The following CALD1 variants were observed in gnomAD, a reference collection of about 807,000 sequenced individuals.
CALD1 encodes the protein caldesmon 1, also known as caldesmon.
A neutral mutation model predicts 99.9 loss-of-function variants in CALD1; 33 were observed. That is an observed-to-expected ratio of 0.33 (90% confidence interval 0.25 to 0.44). The LOEUF (loss-of-function observed/expected upper bound fraction) is 0.44. CALD1 is among the 20% of genes least tolerant of loss of function. CALD1 has a pLI of 1.00. For synonymous variants in CALD1, 310 were observed against 325.0 expected (o/e 0.95, Z 0.50); for missense variants, 861 against 962.1 (o/e 0.89, Z 1.39).
At chr7:134,754,421 C>T (rs1796710684) in intron 1 of CALD1, among the ~76,000 whole-genome samples, 1 of 152,192 alleles carries the variant, frequency 6.6e-6, no homozygotes, top group Non-Finnish European at 1.5e-5. Flanking sequence ...GGTACAAGCA[C>T]AGAAGTGTGA....
chr7:134,863,722 C>A (rs774003127), intron 2 of CALD1, among the ~76,000 whole-genome samples: 12 of 152,120 alleles, frequency 7.9e-5, no homozygotes, highest in African/African-American at 1.4e-4. Flanking sequence ...TAATACATTT[C>A]TTGGTTGAAA....
chr7:134,955,387 AAAAAAG>A (rs1563130558), intron 9 of CALD1, among the ~76,000 whole-genome samples: 1 of 152,240 alleles, frequency 6.6e-6, no homozygotes, highest in African/African-American at 2.4e-5. Context: ...ACTCTGTCTC[AAAAAAG>A]AAAAAGAAAA....
chr7:134,864,500 G>GGT (rs1800714959), intron 2 of CALD1, among the ~76,000 whole-genome samples: 1 of 151,524 alleles, frequency 6.6e-6, no homozygotes, highest in African/African-American at 2.4e-5. Flanking sequence ...ACGAGTTCAA[G>GGT]TGATTCTCCT....
At chr7:134,731,531 G>A in the CALD1 span, among the ~76,000 whole-genome samples, 1 of 152,036 alleles carries the variant, frequency 6.6e-6, no homozygotes, top group South Asian at 2.1e-4. Flanking sequence ...TTGCTTAATT[G>A]CTTTACATGA....
At position 134,933,138 on chromosome 7, in the gene CALD1, A is replaced by G. The variant is rs758034980; in HGVS notation, c.369A>G (p.Pro123=). 1.2e-6 allele frequency: 2 copies of G among 1,613,672 alleles called. No homozygotes were observed. Among genetic ancestry groups the G allele is most frequent in the Non-Finnish European group, 1.7e-6 (2 of 1,179,972 alleles). The change falls in exon 5 of 15, where the codon CCA becomes CCG. Residue 123 remains proline (P), a synonymous_variant. Coordinates refer to ENST00000361675, the MANE Select transcript of CALD1 (RefSeq NM_033138.4). ...TGGAGCGGCAGAAGGAGTTCGACCC[A>G]ACAATAACAGATGCAAGTCTGTCGC... ...EALERQKEFD[P]TITDASLSLP...
intron 1 of CALD1, among the ~76,000 whole-genome samples, chr7:134,790,629 G>A (rs901465626): frequency 1.1e-4 from 16 of 152,174 alleles, no homozygotes; most frequent in Non-Finnish European, 2.1e-4. Context: ...CTATTGACTG[G>A]AGAGGTTGCT....
intron 1 of CALD1, among the ~76,000 whole-genome samples, chr7:134,772,224 G>A (rs1453096480): frequency 6.6e-6 from 1 of 151,630 alleles, no homozygotes; most frequent in Non-Finnish European, 1.5e-5. Context: ...CTACTGAGTA[G>A]CTGGGACTAC....
chr7:134,879,648 A>G (rs1382192004), intron 3 of CALD1, among the ~76,000 whole-genome samples: 1 of 152,250 alleles, frequency 6.6e-6, no homozygotes, highest in African/African-American at 2.4e-5. Flanking sequence ...AATCATTTGT[A>G]TGTATTCACC....
chr7:134,726,602 A>G, the CALD1 span, among the ~76,000 whole-genome samples: 1 of 151,088 alleles, frequency 6.6e-6, no homozygotes, highest in Non-Finnish European at 1.5e-5. Flanking sequence ...AAGGACAAAA[A>G]GGAGAACATT....
intron 1 of CALD1, among the ~76,000 whole-genome samples, chr7:134,816,035 T>C (rs1473483085): frequency 6.6e-6 from 1 of 152,234 alleles, no homozygotes; most frequent in Non-Finnish European, 1.5e-5. Context: ...ACATTTGTTT[T>C]GCTCAGTGCT....
At chr7:134,723,447 C>A in the CALD1 span, among the ~76,000 whole-genome samples, 1 of 151,872 alleles carries the variant, frequency 6.6e-6, no homozygotes, top group African/African-American at 2.4e-5. Context: ...GCTCTTGGCA[C>A]CCTTAAATCC....
At chr7:134,908,530 G>A (rs1192248827) in intron 3 of CALD1, among the ~76,000 whole-genome samples, 1 of 152,032 alleles carries the variant, frequency 6.6e-6, no homozygotes, top group African/African-American at 2.4e-5. Flanking sequence ...CTCATTATAC[G>A]TCAGTGTTTC....
At chr7:134,790,229 T>G (rs1215940230) in intron 1 of CALD1, among the ~76,000 whole-genome samples, 1 of 151,984 alleles carries the variant, frequency 6.6e-6, no homozygotes, top group Admixed American at 6.6e-5. Context: ...AATGGATTGA[T>G]AGTTATCTGA....
chr7:134,882,749 T>C (rs772980090), intron 3 of CALD1, among the ~76,000 whole-genome samples: 1 of 152,222 alleles, frequency 6.6e-6, no homozygotes, highest in African/African-American at 2.4e-5. Flanking sequence ...ATGTTTAGCA[T>C]ACAATAGAAT....
chr7:134,881,023 C>A (rs915350643), intron 3 of CALD1, among the ~76,000 whole-genome samples: 1 of 152,140 alleles, frequency 6.6e-6, no homozygotes, highest in African/African-American at 2.4e-5. Context: ...ATTGTCAGAG[C>A]TATGGTAGAG....
At chr7:134,812,443 T>C (rs150284871) in intron 1 of CALD1, among the ~76,000 whole-genome samples, 302 of 152,274 alleles carry the variant, frequency 2.0e-3, no homozygotes, top group Non-Finnish European at 3.7e-3. Flanking sequence ...AAGGACCACT[T>C]AGTGGGCCCA....
At chr7:134,878,148 C>T (rs4732065) in intron 3 of CALD1, among the ~76,000 whole-genome samples, 67,451 of 151,854 alleles carry the variant, frequency 0.44, 15,614 homozygotes, top group East Asian at 0.85. Flanking sequence ...TGAGATCATA[C>T]GAATTTAGGT....
intron 1 of CALD1, among the ~76,000 whole-genome samples, chr7:134,808,470 TG>T (rs908252211): frequency 2.6e-5 from 4 of 152,194 alleles, no homozygotes; most frequent in Non-Finnish European, 5.9e-5. Context: ...ATCCACTCCC[TG>T]GCAAAAGTTA....
chr7:134,919,442 G>A (rs548063960), intron 3 of CALD1, among the ~76,000 whole-genome samples: 81 of 152,326 alleles, frequency 5.3e-4, no homozygotes, highest in Non-Finnish European at 7.6e-4. Flanking sequence ...GTTAGGGTCT[G>A]TAATTATAGA....
Sources: allele counts gnomAD v4.1 joint callset (sites outside exome capture counted in the v4.1 genomes callset), GRCh38; gene constraint gnomAD v4.1.1; transcripts MANE v1.5; gene names NCBI Gene and HGNC (gene_info 2026-07-23, HGNC 2026-07-21).